The following NCAM2 variants were observed in gnomAD, a reference collection of about 807,000 sequenced individuals.
The protein encoded by NCAM2 is N-CAM-2.
NCAM2 carries 30 observed loss-of-function variants against 98.1 expected under a neutral mutation model. The ratio of observed to expected loss-of-function variants is 0.31; its 90% CI spans 0.23 to 0.41. The LOEUF is 0.41. NCAM2 is among the 10% of genes least tolerant of loss of function. The pLI, the probability that NCAM2 is intolerant of heterozygous loss-of-function variation, is 1.00. For synonymous variants in NCAM2, 368 were observed against 342.4 expected (o/e 1.07, Z -0.83); for missense variants, 867 against 1,005.8 (o/e 0.86, Z 1.87).
intron 1 of NCAM2, among the ~76,000 whole-genome samples, chr21:21,136,031 G>A (rs778480904): frequency 5.4e-5 from 7 of 130,034 alleles, no homozygotes; most frequent in Non-Finnish European, 9.8e-5. Flanking sequence ...AATTTTGAAG[G>A]CTTAGTGACT....
chr21:20,999,735 C>T (rs2063985159), intron 1 of NCAM2, among the ~76,000 whole-genome samples: 1 of 152,102 alleles, frequency 6.6e-6, no homozygotes. Context: ...GCATTTTTAG[C>T]CTCTTCTGTA....
At chr21:21,189,282 A>G (rs1047185326) in intron 1 of NCAM2, among the ~76,000 whole-genome samples, 13 of 152,148 alleles carry the variant, frequency 8.5e-5, no homozygotes, top group African/African-American at 2.4e-5. Context: ...GAAGTTTTTA[A>G]TATATAATAA....
intron 1 of NCAM2, among the ~76,000 whole-genome samples, chr21:21,172,197 A>C (rs560492267): frequency 1.1e-3 from 162 of 152,072 alleles, no homozygotes; most frequent in African/African-American, 3.7e-3. Flanking sequence ...AGTTTGGTAA[A>C]TTAAGAGGAA....
At chr21:21,296,438 A>C (rs533709068) in intron 5 of NCAM2, among the ~76,000 whole-genome samples, 1 of 83,338 alleles carries the variant, frequency 1.2e-5, no homozygotes, top group African/African-American at 3.5e-5. Flanking sequence ...AAAAAATCCA[A>C]GCACCTAACT....
At chr21:21,367,522 A>G (rs1324489044) in intron 8 of NCAM2, among the ~76,000 whole-genome samples, 1 of 152,040 alleles carries the variant, frequency 6.6e-6, no homozygotes, top group Admixed American at 6.6e-5. Context: ...GTCTAGCAGC[A>G]AAATAAACTG....
At chr21:21,402,366 A>C (rs2076649630) in intron 9 of NCAM2, among the ~76,000 whole-genome samples, 2 of 152,050 alleles carry the variant, frequency 1.3e-5, no homozygotes, top group Non-Finnish European at 2.9e-5. Context: ...TGAGATAAGG[A>C]CTGAGATAGG....
At chr21:21,476,746 G>A (rs1985218536) in intron 14 of NCAM2, among the ~76,000 whole-genome samples, 1 of 151,942 alleles carries the variant, frequency 6.6e-6, no homozygotes, top group Non-Finnish European at 1.5e-5. Flanking sequence ...TTAAAACTTA[G>A]TAATTTTGTT....
At chr21:21,472,223 A>C (rs1484149681) in intron 14 of NCAM2, among the ~76,000 whole-genome samples, 2 of 152,002 alleles carry the variant, frequency 1.3e-5, no homozygotes, top group Non-Finnish European at 2.9e-5. Context: ...CTTAAAATCA[A>C]TTGTAAGGAA....
At chr21:21,013,473 G>A (rs977810901) in intron 1 of NCAM2, among the ~76,000 whole-genome samples, 1 of 152,092 alleles carries the variant, frequency 6.6e-6, no homozygotes, top group Non-Finnish European at 1.5e-5. Flanking sequence ...AAGAAAAGTT[G>A]GAAGCAAGCA....
At chr21:21,126,386 A>G (rs544934413) in intron 1 of NCAM2, among the ~76,000 whole-genome samples, 6 of 152,038 alleles carry the variant, frequency 3.9e-5, no homozygotes, top group Admixed American at 3.9e-4. Flanking sequence ...GTAAAGCTAA[A>G]CATACACATC....
chr21:21,387,318 G>A (rs982616421), intron 9 of NCAM2, among the ~76,000 whole-genome samples: 14 of 151,820 alleles, frequency 9.2e-5, no homozygotes, highest in Non-Finnish European at 1.6e-4. Context: ...GCTCCCCAAA[G>A]GCCCTACTTC....
At chr21:21,234,808 A>G (rs976260190) in intron 1 of NCAM2, among the ~76,000 whole-genome samples, 3 of 151,998 alleles carry the variant, frequency 2.0e-5, no homozygotes, top group Non-Finnish European at 4.4e-5. Flanking sequence ...CCTGACCAAC[A>G]GGTCATTATT....
intron 1 of NCAM2, among the ~76,000 whole-genome samples, chr21:21,145,458 C>A (rs1031158387): frequency 2.0e-5 from 3 of 152,082 alleles, no homozygotes; most frequent in South Asian, 4.2e-4. Context: ...CATAAAAATT[C>A]TTTTGTCCAT....
At chr21:21,140,397 A>G in intron 1 of NCAM2, among the ~76,000 whole-genome samples, 1 of 152,214 alleles carries the variant, frequency 6.6e-6, no homozygotes, top group East Asian at 1.9e-4. Flanking sequence ...CACTTCCTGT[A>G]AGCCATACCT....
At chr21:21,135,256 A>C (rs7281705) in intron 1 of NCAM2, among the ~76,000 whole-genome samples, 6 of 145,622 alleles carry the variant, frequency 4.1e-5, no homozygotes, top group African/African-American at 5.1e-5. Flanking sequence ...AAAAAAAAAA[A>C]AAAAAAAACT....
chr21:21,357,602 T>C (rs1266312874), intron 8 of NCAM2, among the ~76,000 whole-genome samples: 1 of 152,138 alleles, frequency 6.6e-6, no homozygotes, highest in African/African-American at 2.4e-5. Flanking sequence ...GTCTTTAAGA[T>C]TGAAAGACAG....
rs557223694 is a variant in NCAM2, at chr21:21,084,921, C to T, written c.55+86303C>T. On this transcript the variant is annotated intron_variant, in intron 1 of 17. Coordinates refer to ENST00000400546, the MANE Select transcript of NCAM2 (RefSeq NM_004540.5). ...TGCTCATGTTAAATAAATATAAATA[C>T]AATGCTTGAATGTTGGGCTTCAATA... Among the ~76,000 whole-genome samples, 5 of 152,134 alleles carry T rather than the reference C, an allele frequency of 3.3e-5. No individual in the cohort carries two copies. The South Asian group carries it at 8.3e-4, about 25-fold the overall frequency.
At chr21:21,352,281 G>T (rs66480327) in intron 8 of NCAM2, among the ~76,000 whole-genome samples, 58,273 of 150,550 alleles carry the variant, frequency 0.39, 11,620 homozygotes, top group African/African-American at 0.45. Flanking sequence ...GTTGTTGTTG[G>T]TGGTGGTGGT....
Position 21,540,095 on chromosome 21 carries a change from GA to G in NCAM2, c.*2141del, listed in dbSNP as rs1312148076. 6.6e-6 allele frequency: 1 copy of G among 152,038 alleles called. No homozygotes were observed. The highest frequency in any genetic ancestry group is 6.6e-5 in the Admixed American group (1 of 15,246). The allele number at this position is 152,038 out of a possible 1,614,324, so 9.4% of individuals were successfully genotyped here. ...ATGGTGAAAGAAATACGATGACTGA[GA>G]AAGTCATTTCGCATGTTTACTATTG... On this transcript the variant is annotated 3_prime_UTR_variant, in exon 18 of 18. Coordinates refer to ENST00000400546, the MANE Select transcript of NCAM2 (RefSeq NM_004540.5).
Sources: gnomAD v4.1 joint callset for allele counts (sites outside exome capture counted in the v4.1 genomes callset) on GRCh38, gnomAD v4.1.1 for gene constraint, MANE v1.5 for transcripts, NCBI Gene and HGNC (gene_info 2026-07-23, HGNC 2026-07-21) for gene names.